IL1RL1: variants seen among roughly 807,000 people sequenced by gnomAD.
IL1RL1 encodes interleukin 1 receptor like 1, also known as interleukin-1 receptor-like 1.
In IL1RL1, 32 loss-of-function variants were observed where a neutral mutation model predicts 50.9. The observed-to-expected ratio is 0.63, with a 90% CI of 0.47 to 0.84. IL1RL1 has a LOEUF of 0.84. IL1RL1 is among the 40% of genes least tolerant of loss of function. The pLI is 0.00. For synonymous variants in IL1RL1, 275 were observed against 236.0 expected (o/e 1.17, Z -1.51); for missense variants, 773 against 662.9 (o/e 1.17, Z -1.82).
intron 1 of IL1RL1, among the ~76,000 whole-genome samples, chr2:102,330,022 A>G (rs1677128226): frequency 6.6e-6 from 1 of 152,230 alleles, no homozygotes; most frequent in African/African-American, 2.4e-5. Context: ...TCATGCTGCT[A>G]TAAAGACACA....
chr2:102,316,628 A>C (rs995757385), intron 1 of IL1RL1, among the ~76,000 whole-genome samples: 2 of 152,178 alleles, frequency 1.3e-5, no homozygotes, highest in Non-Finnish European at 2.9e-5. Context: ...TTTTCAACCA[A>C]AAGTATTTCA....
At chr2:102,334,716 C>A (rs1304716022) in intron 1 of IL1RL1, among the ~76,000 whole-genome samples, 1 of 151,640 alleles carries the variant, frequency 6.6e-6, no homozygotes, top group African/African-American at 2.4e-5. Context: ...ACAGTAAGAG[C>A]AGGCCACACA....
At position 102,349,112 on chromosome 2, in the gene IL1RL1, C is replaced by T. The variant is rs200610115; in HGVS notation, c.1151C>T (p.Pro384Leu). Residue 384 changes from proline to leucine, a missense_variant, in exon 10 of 11, where the codon CCA becomes CTA. Pro to Leu is a moderately conservative substitution (Grantham distance 98). Coordinates refer to ENST00000233954, the MANE Select transcript of IL1RL1 (RefSeq NM_016232.5). The stretch of plus-strand genomic sequence containing the variant: ...CTCTATGATGCTTATGTTGTCTACC[C>T]ACGGAACTACAAATCCAGTACAGAT... ...GKLYDAYVVY[P>L]RNYKSSTDGA... 1 of 1,613,592 alleles carries T rather than the reference C, an allele frequency of 6.2e-7. No homozygotes were observed. Among genetic ancestry groups the T allele is most frequent in the African/African-American group, 1.3e-5 (1 of 75,042 alleles).
At chr2:102,342,114 G>T in intron 5 of IL1RL1, 109 bp from the exon 6 acceptor site, 12 of 616,030 alleles carry the variant, frequency 1.9e-5, no homozygotes, top group East Asian at 3.2e-5. Flanking sequence ...ATTGTCAGAA[G>T]AACTTGAAAA....
intron 5 of IL1RL1, 149 bp downstream of exon 5, chr2:102,340,977 C>T (rs566365691): frequency 7.8e-5 from 56 of 716,084 alleles, no homozygotes; most frequent in South Asian, 7.2e-4. Flanking sequence ...TGAACTATGA[C>T]GCAAAGAGGT....
Position 102,312,177 on chromosome 2 carries a change from AC to A in IL1RL1, c.-150+555del, listed in dbSNP as rs67342670. On this transcript the variant is annotated intron_variant, in intron 1 of 10. Transcript: ENST00000233954. ...ACAGAGGGAAGACTTAGCTTTCCAA[AC>A]AATCTTCTGTTAAAAGAAAAACTTT... Among the ~76,000 whole-genome samples the A allele has an allele frequency of 5.1e-3, 709 of 138,316 alleles. 11 individuals are homozygous for A. Among genetic ancestry groups the A allele is most frequent in the African/African-American group, 0.018 (684 of 37,180 alleles). The allele number at this position is 138,316 out of a possible 152,430, so 90.7% of individuals were successfully genotyped here.
intron 1 of IL1RL1, among the ~76,000 whole-genome samples, chr2:102,327,636 G>T (rs1677049289): frequency 6.6e-6 from 1 of 151,778 alleles, no homozygotes; most frequent in South Asian, 2.1e-4. Flanking sequence ...AAAGGGAGAA[G>T]AATCAAATAG....
At position 102,340,081 on chromosome 2, in the gene IL1RL1, C is replaced by T; in HGVS notation, c.273-17C>T. 7.0e-7 allele frequency: 1 copy of T among 1,435,858 alleles called. No individual in the cohort carries two copies. Among genetic ancestry groups the T allele is most frequent in the Non-Finnish European group, 9.3e-7 (1 of 1,080,958 alleles). 88.9% of individuals were successfully genotyped at this position (1,435,858 alleles called of 1,614,324 possible). A position where few individuals can be genotyped will look rare whatever the true frequency, so the allele number is the denominator to read the frequency against. ...AATGCTAAGTGACTCTTTTAATTGTCTGACTTATTTTAACAGTCCCACATT... is the reference window on the plus strand; with the variant it reads ...AATGCTAAGTGACTCTTTTAATTGTTTGACTTATTTTAACAGTCCCACATT... On this transcript the variant is annotated splice_polypyrimidine_tract_variant and intron_variant, in intron 3 of 10. Coordinates refer to ENST00000233954, the MANE Select transcript of IL1RL1 (RefSeq NM_016232.5).
chr2:102,316,183 A>G (rs1676669454), intron 1 of IL1RL1, among the ~76,000 whole-genome samples: 1 of 152,212 alleles, frequency 6.6e-6, no homozygotes, highest in African/African-American at 2.4e-5. Flanking sequence ...GCAGTTAGTT[A>G]ATCATGTCTT....
chr2:102,338,174 G>A lies in IL1RL1; in HGVS notation c.-91G>A. On this transcript the variant is annotated 5_prime_UTR_variant, in exon 2 of 11. The change creates a new upstream start codon in the 5' untranslated region. Transcript: ENST00000233954. The stretch of plus-strand genomic sequence containing the variant: ...TGAAGAGTATCACCAACTGCCTCAT[G>A]TGTGGTGACCTTCACTGTCGTATGC... The A allele has an allele frequency of 1.3e-6, 1 of 743,704 alleles. No homozygotes were observed. The highest frequency in any genetic ancestry group is 2.3e-6 in the Non-Finnish European group (1 of 427,908). The allele number at this position is 743,704 out of a possible 1,614,324, so 46.1% of individuals were successfully genotyped here.
chr2:102,323,273 A>ATATATATATATATATATATAGT (rs1303334375), intron 1 of IL1RL1, among the ~76,000 whole-genome samples: 5 of 48,496 alleles, frequency 1.0e-4, no homozygotes, highest in Non-Finnish European at 1.4e-4. Context: ...ATATATATAT[A>ATATATATATATATATATATAGT]GTGTGTGTGT....
Position 102,340,292 on chromosome 2 carries a change from G to A in IL1RL1, c.447+20G>A, listed in dbSNP as rs771518955. The A allele has an allele frequency of 5.1e-6, 8 of 1,563,522 alleles. No individual in the cohort carries two copies. In the African/African-American group the frequency reaches 1.1e-4, roughly 22 times the overall value. On this transcript the variant is annotated intron_variant, in intron 4 of 10. Transcript: ENST00000233954. ...TTTAAGGTAAGAAGAAATTTGGAAG[G>A]AAATAGATGAAAATTACACAATTAA...
At chr2:102,352,210 T>C (rs78248680), downstream of IL1RL1, among the ~76,000 whole-genome samples, 13,687 of 146,650 alleles carry the variant, frequency 0.093, 750 homozygotes, top group Non-Finnish European at 0.1. Context: ...TCTTTTTTCC[T>C]CTCTCTCTGT....
At chr2:102,321,773 T>C (rs1012626992) in intron 1 of IL1RL1, among the ~76,000 whole-genome samples, 5 of 152,236 alleles carry the variant, frequency 3.3e-5, no homozygotes, top group Non-Finnish European at 7.3e-5. Context: ...CAAGTGAAAC[T>C]GTTTCACAGA....
intron 1 of IL1RL1, among the ~76,000 whole-genome samples, chr2:102,315,740 G>A (rs1676656558): frequency 6.6e-6 from 1 of 152,102 alleles, no homozygotes; most frequent in Non-Finnish European, 1.5e-5. Flanking sequence ...CAACTCTCAA[G>A]ACACCAGAAA....
At chr2:102,343,740 C>T in intron 8 of IL1RL1, 1 of 1,242,802 alleles carries the variant, frequency 8.0e-7, no homozygotes, top group Non-Finnish European at 1.0e-6. Flanking sequence ...AGGAAATGCA[C>T]CAACAACCGT....
intron 2 of IL1RL1, among the ~76,000 whole-genome samples, 154 bp from the exon 3 acceptor site, chr2:102,338,683 A>T (rs1056596976): frequency 2.6e-5 from 4 of 152,226 alleles, no homozygotes; most frequent in African/African-American, 7.2e-5. Context: ...TTAACATTTC[A>T]TAAGAGATCT....
rs112860606 is a variant in IL1RL1 at position 102,334,963 on chromosome 2, A to C, written c.-149-3153A>C. On this transcript the variant is annotated intron_variant, in intron 1 of 10. Transcript: ENST00000233954. Reference sequence around the variant, plus strand: ...TAGATTATAAATAGGCACATACAGGATTTCAAAACTGTAACAAAATTAAGA... The same window carrying C: ...TAGATTATAAATAGGCACATACAGGCTTTCAAAACTGTAACAAAATTAAGA... Among the ~76,000 whole-genome samples, 383 of 152,240 alleles carry C rather than the reference A, an allele frequency of 2.5e-3. 2 individuals carry two copies. The highest frequency in any genetic ancestry group is 4.4e-3 in the Non-Finnish European group (296 of 68,024).
At chr2:102,333,076 C>A (rs1296541617) in intron 1 of IL1RL1, among the ~76,000 whole-genome samples, 1 of 152,088 alleles carries the variant, frequency 6.6e-6, no homozygotes, top group South Asian at 2.1e-4. Flanking sequence ...CGTGTGGTAC[C>A]TCCCAGCTTC....
Sources: gnomAD v4.1 joint callset for allele counts (sites outside exome capture counted in the v4.1 genomes callset) on GRCh38, gnomAD v4.1.1 for gene constraint, MANE v1.5 for transcripts, NCBI Gene and HGNC (gene_info 2026-07-23, HGNC 2026-07-21) for gene names.